Variants in ICE1 observed in about 807,000 individuals in gnomAD.
ICE1 encodes interactor of little elongation complex ELL subunit 1, also known as little elongation complex subunit 1.
Under a neutral mutation model 192.7 loss-of-function variants are expected in ICE1, and 64 were observed. The ratio of observed to expected loss-of-function variants is 0.33; its 90% CI spans 0.27 to 0.41. The LOEUF (loss-of-function observed/expected upper bound fraction) is 0.41. Ranked by LOEUF, ICE1 falls within the 10% of genes least tolerant of loss-of-function variation. The probability of loss-of-function intolerance (pLI) is 1.00; values close to 1 mark genes in which losing one functional copy is unlikely to be tolerated. For missense variants in ICE1, 2,708 were observed against 2,696.0 expected (o/e 1.00, Z -0.10); for synonymous variants, 1,010 against 984.5 (o/e 1.03, Z -0.49).
chr5:5,444,984 T>C (rs903872740), intron 7 of ICE1, among the ~76,000 whole-genome samples: 3 of 152,170 alleles, frequency 2.0e-5, no homozygotes, highest in Non-Finnish European at 2.9e-5. Flanking sequence ...ACAGACCTAA[T>C]ACCAAGTAGA....
At chr5:5,439,508 G>A (rs1298811155) in intron 3 of ICE1, among the ~76,000 whole-genome samples, 1 of 152,100 alleles carries the variant, frequency 6.6e-6, no homozygotes, top group Admixed American at 6.5e-5. Flanking sequence ...CATAACTTTT[G>A]TTTGCTGGAA....
At chr5:5,481,791 G>C (rs537182027) in intron 17 of ICE1, among the ~76,000 whole-genome samples, 3 of 152,280 alleles carry the variant, frequency 2.0e-5, no homozygotes, top group Non-Finnish European at 2.9e-5. Flanking sequence ...ATACACAAAT[G>C]CTTACTCAAG....
chr5:5,440,195 T>C (rs927282499), intron 4 of ICE1, among the ~76,000 whole-genome samples: 5 of 152,272 alleles, frequency 3.3e-5, no homozygotes, highest in Non-Finnish European at 7.3e-5. Flanking sequence ...AAGCTTATTG[T>C]TGTCAAATTA....
chr5:5,487,357 A>C (rs538365419), intron 18 of ICE1, among the ~76,000 whole-genome samples: 95 of 152,318 alleles, frequency 6.2e-4, no homozygotes, highest in Non-Finnish European at 1.1e-3. Context: ...GCTTAACTCA[A>C]AGTAACTCTT....
At chr5:5,449,573 C>A (rs1738354131) in intron 10 of ICE1, among the ~76,000 whole-genome samples, 1 of 152,064 alleles carries the variant, frequency 6.6e-6, no homozygotes, top group Non-Finnish European at 1.5e-5. Context: ...ATGAAACCCG[C>A]AATTGCAGAG....
rs184845945 is a variant in ICE1 at position 5,430,624 on chromosome 5, A to G, written c.85-5794A>G. Among the ~76,000 whole-genome samples the G allele has an allele frequency of 4.6e-5, 7 of 152,336 alleles. No homozygotes were observed. The East Asian group carries it at 1.4e-3, about 29-fold the overall frequency. The stretch of plus-strand genomic sequence containing the variant: ...AATTGCTTCCACTGTGTATTTTACA[A>G]TGAATTTTCCTGTTGTTAAATAGTA... On this transcript the variant is annotated intron_variant, in intron 1 of 18. Transcript: ENST00000296564.
At chr5:5,469,042 GTTAA>G in intron 15 of ICE1, 54 bp downstream of exon 15, 1 of 1,210,894 alleles carries the variant, frequency 8.3e-7, no homozygotes, top group Non-Finnish European at 1.1e-6. Flanking sequence ...TTATATAAAT[GTTAA>G]TTATTTTGTT....
intron 17 of ICE1, among the ~76,000 whole-genome samples, chr5:5,482,520 G>C (rs1739531257): frequency 6.6e-6 from 1 of 152,224 alleles, no homozygotes; most frequent in Admixed American, 6.5e-5. Context: ...AGATGGGTGT[G>C]GGGAGGCTGG....
chr5:5,431,605 T>C (rs1049797471), intron 1 of ICE1, among the ~76,000 whole-genome samples: 10 of 152,186 alleles, frequency 6.6e-5, no homozygotes, highest in African/African-American at 2.4e-4. Flanking sequence ...CTAGGTCTAG[T>C]TTTTCGTGTT....
chr5:5,428,609 A>G (rs1737599740), intron 1 of ICE1, among the ~76,000 whole-genome samples: 2 of 152,212 alleles, frequency 1.3e-5, no homozygotes, highest in African/African-American at 2.4e-5. Context: ...TGTCTCCTGT[A>G]CATGTTCCAG....
intron 1 of ICE1, among the ~76,000 whole-genome samples, chr5:5,423,427 A>C (rs1223397312): frequency 1.0e-5 from 1 of 96,576 alleles, no homozygotes; most frequent in Non-Finnish European, 2.0e-5. Context: ...GCAGAATCTT[A>C]CGTGACATGT....
chr5:5,464,117 A>G lies in ICE1; in HGVS notation c.4783A>G (p.Lys1595Glu). ...ATTTTCAGGGGAAAAAGCTAATACA[A>G]AAACTCAAAGAAGCCAAACTCAGAC... ...QSFSGEKANT[K>E]TQRSQTQTIL... The change falls in exon 13 of 19, where the codon AAA becomes GAA. Residue 1595 changes from lysine (K) to glutamate (E), a missense_variant. Lys to Glu is a moderately conservative substitution (Grantham distance 56). This residue lies in a region of ICE1 where 2,366 missense variants were observed against 2,276.6 expected (regional missense o/e 1.04). Transcript: ENST00000296564. The surrounding 1 kb of genome is among the most constrained non-coding windows in gnomAD (Gnocchi z 4.0). 6.2e-7 allele frequency: 1 copy of G among 1,613,572 alleles called. No individual in the cohort carries two copies. The highest frequency in any genetic ancestry group is 8.5e-7 in the Non-Finnish European group (1 of 1,179,878).
intron 1 of ICE1, among the ~76,000 whole-genome samples, chr5:5,426,141 G>A (rs1023942234): frequency 2.6e-5 from 4 of 152,234 alleles, no homozygotes; most frequent in Admixed American, 1.3e-4. Context: ...GATGTGCACT[G>A]TGTTCAGTGT....
At chr5:5,473,232 A>G (rs1739216209) in intron 15 of ICE1, among the ~76,000 whole-genome samples, 2 of 152,232 alleles carry the variant, frequency 1.3e-5, no homozygotes, top group South Asian at 2.1e-4. Flanking sequence ...GTTTATTTTT[A>G]TAATTATAAC....
At position 5,464,316 on chromosome 5, in the gene ICE1, C is replaced by T. The variant is rs756056690; in HGVS notation, c.4982C>T (p.Ser1661Leu). The T allele has an allele frequency of 1.4e-5, 23 of 1,613,704 alleles. No homozygotes were observed. Among genetic ancestry groups the T allele is most frequent in the South Asian group, 2.2e-5 (2 of 91,062 alleles). The change falls in exon 13 of 19, where the codon TCA becomes TTA. Residue 1661 changes from serine (S) to leucine (L), a missense_variant. Physicochemically the swap from Ser to Leu is moderately radical, Grantham distance 145 (BLOSUM62 -2). Transcript: ENST00000296564. This position sits in a 1 kb window ranked among gnomAD's most constrained non-coding sequence, Gnocchi z 4.0. ...SPLISSSSPS[S>L]PASPVGQVSP... Reference sequence around the variant, plus strand: ...CTGATATCGAGTTCTAGTCCTTCCTCACCAGCCTCTCCTGTTGGCCAGGTT... The same window carrying T: ...CTGATATCGAGTTCTAGTCCTTCCTTACCAGCCTCTCCTGTTGGCCAGGTT...
intron 4 of ICE1, 144 bp from the exon 5 acceptor site, chr5:5,440,968 G>A (rs1330591769): frequency 1.1e-5 from 6 of 568,754 alleles, no homozygotes; most frequent in Non-Finnish European, 1.9e-5. Flanking sequence ...AGATCATGTT[G>A]GTGTAGAGAG....
Position 5,462,645 on chromosome 5 carries a change from G to C in ICE1, c.3311G>C (p.Gly1104Ala), listed in dbSNP as rs377685932. Residue 1104 changes from glycine (G) to alanine (A), a missense_variant, in exon 13 of 19, where the codon GGA (glycine) becomes GCA (alanine). By Grantham distance (60) the Gly-to-Ala change is moderately conservative. Coordinates refer to ENST00000296564, the MANE Select transcript of ICE1 (RefSeq NM_015325.3). ...TGTTACACAGGCATTCGAGAGGGGG[G>C]AGACGACACTGAGGTAGAGAGTGAG... is the stretch of plus-strand genomic sequence containing the variant. ...LHCYTGIREG[G>A]DDTEVESEAF... is the part of the protein sequence containing the mutation. 151 of 1,613,850 alleles carry C rather than the reference G, an allele frequency of 9.4e-5. No individual in the cohort carries two copies. Among genetic ancestry groups the C allele is most frequent in the Admixed American group, 1.2e-4 (7 of 59,996 alleles).
In ICE1 at chr5:5,462,479, T is replaced by A; in HGVS notation, c.3145T>A (p.Trp1049Arg). Reference sequence around the variant, plus strand: ...CACACCACAAAATGCTAATGGACTTTGGAAATTGAAATCTACAACTCCCGG... The same window carrying A: ...CACACCACAAAATGCTAATGGACTTAGGAAATTGAAATCTACAACTCCCGG... The part of the protein sequence containing the change: ...TSTPQNANGL[W>R]KLKSTTPGGA... Residue 1049 changes from tryptophan to arginine, a missense_variant, in exon 13 of 19, where the codon TGG becomes AGG. Trp to Arg is a moderately radical substitution (Grantham distance 101, BLOSUM62 -3). Coordinates refer to ENST00000296564, the MANE Select transcript of ICE1 (RefSeq NM_015325.3). The A allele has an allele frequency of 6.2e-7, 1 of 1,614,038 alleles. No individual in the cohort carries two copies. The highest frequency in any genetic ancestry group is 1.7e-5 in the Admixed American group (1 of 60,030).
chr5:5,456,727 A>G (rs1738593353), intron 11 of ICE1, among the ~76,000 whole-genome samples: 1 of 152,194 alleles, frequency 6.6e-6, no homozygotes, highest in South Asian at 2.1e-4. Flanking sequence ...GGCAAATATA[A>G]TAAATGGTTA....
Sources: gnomAD v4.1 joint callset for allele counts (sites outside exome capture counted in the v4.1 genomes callset) on GRCh38, gnomAD v4.1.1 for gene constraint, gnomAD v4.1.1 regional missense constraint, Gnocchi (gnomAD v3.1) non-coding constraint, MANE v1.5 for transcripts, NCBI Gene and HGNC (gene_info 2026-07-23, HGNC 2026-07-21) for gene names.